SLC6A13: variants seen among roughly 807,000 people sequenced by gnomAD.
The protein encoded by SLC6A13 is solute carrier family 6 member 13, also known as sodium- and chloride-dependent GABA transporter 2.
In SLC6A13, 69 loss-of-function variants were observed where a neutral mutation model predicts 72.9. The ratio of observed to expected loss-of-function variants is 0.95; its 90% CI spans 0.78 to 1.16. The LOEUF is 1.16. Among genes scored for constraint, SLC6A13 ranks in the 50% most tolerant of loss-of-function variants. The pLI, the probability that SLC6A13 is intolerant of heterozygous loss-of-function variation, is 0.00. For missense variants in SLC6A13, 735 were observed against 760.5 expected (o/e 0.97, Z 0.39); for synonymous variants, 303 against 303.0 (o/e 1.00, Z 0.00).
chr12:251,247 AAC>A (rs1347115474), intron 2 of SLC6A13, among the ~76,000 whole-genome samples: 1 of 152,202 alleles, frequency 6.6e-6, no homozygotes, highest in Non-Finnish European at 1.5e-5. Flanking sequence ...CACAGTAATG[AAC>A]ACAGTGTGGT....
At chr12:231,359 T>C (rs1350576420) in intron 7 of SLC6A13, among the ~76,000 whole-genome samples, 1 of 152,210 alleles carries the variant, frequency 6.6e-6, no homozygotes. Flanking sequence ...GATGCGTCTT[T>C]GGTCTGTGTC....
intron 1 of SLC6A13, among the ~76,000 whole-genome samples, chr12:261,861 G>T (rs978183027): frequency 3.3e-5 from 5 of 151,962 alleles, no homozygotes; most frequent in African/African-American, 1.2e-4. Context: ...AGGAGGCAGA[G>T]GTTGCAGTGA....
intron 7 of SLC6A13, 31 bp downstream of exon 7, chr12:235,059 C>T (rs748678670): frequency 6.2e-7 from 1 of 1,613,616 alleles, no homozygotes; most frequent in Non-Finnish European, 8.5e-7. Flanking sequence ...CCCTGGGAGT[C>T]ACGTGAGGGC....
intron 2 of SLC6A13, among the ~76,000 whole-genome samples, chr12:248,815 C>G (rs1037018763): frequency 2.0e-5 from 3 of 152,152 alleles, no homozygotes; most frequent in Non-Finnish European, 4.4e-5. Context: ...TTCTACCCAA[C>G]AGTCCAACAG....
intron 2 of SLC6A13, 45 bp from the exon 3 acceptor site, chr12:243,858 T>C: frequency 6.3e-7 from 1 of 1,597,020 alleles, no homozygotes. Context: ...ACTATTCTCC[T>C]CATGGTCTGC....
In SLC6A13 at chr12:221,498, T is replaced by G. The variant is rs1247681387; in HGVS notation, c.1564A>C (p.Lys522Gln). 6.2e-7 allele frequency: 1 copy of G among 1,613,066 alleles called. No individual in the cohort carries two copies. Among genetic ancestry groups the G allele is most frequent in the Non-Finnish European group, 8.5e-7 (1 of 1,179,556 alleles). Reference protein sequence around the residue: ...LIKYTPLTYNKKYTYPWWGDA... With the variant: ...LIKYTPLTYNQKYTYPWWGDA... ...CCCCACCACGGGTACGTGTACTTCT[T>G]GTTGTAGGTCAGCGGAGTGTACTTT... The change falls in exon 14 of 15, where the codon AAG (lysine) becomes CAG (glutamine). Residue 522 changes from lysine to glutamine, a missense_variant. Coordinates refer to ENST00000343164, the MANE Select transcript of SLC6A13 (RefSeq NM_016615.5).
At chr12:240,757 G>T (rs1452041561) in intron 4 of SLC6A13, among the ~76,000 whole-genome samples, 1 of 152,220 alleles carries the variant, frequency 6.6e-6, no homozygotes, top group Non-Finnish European at 1.5e-5. Context: ...GCCATCCTGG[G>T]GTGTCGGAGG....
At chr12:259,707 G>C in intron 2 of SLC6A13, 144 bp downstream of exon 2, 2 of 1,560,396 alleles carry the variant, frequency 1.3e-6, no homozygotes, top group Admixed American at 3.8e-5. Flanking sequence ...GTCTCTTACA[G>C]AGTGTCCTTA....
At chr12:222,452 C>T in intron 13 of SLC6A13, 80 bp downstream of exon 13, 1 of 774,666 alleles carries the variant, frequency 1.3e-6, no homozygotes. Flanking sequence ...AAGTCCATTG[C>T]AGGGCTAACG....
intron 6 of SLC6A13, among the ~76,000 whole-genome samples, chr12:236,297 C>T (rs1240716323): frequency 6.6e-6 from 1 of 152,216 alleles, no homozygotes; most frequent in Admixed American, 6.5e-5. Flanking sequence ...ACTTGCTGGT[C>T]TGAGACTCAG....
rs773168748 is a variant in SLC6A13, at chr12:237,153, C to T, written c.696+5G>A. ...ATGGGAGGGGCAGGAGCTCCCCACA[C>T]GAACCTTGCCTGTGGACTTCACCCC... On this transcript the variant is annotated splice_donor_5th_base_variant and intron_variant, in intron 6 of 14. Transcript: ENST00000343164. 3.2e-5 allele frequency: 51 copies of T among 1,613,686 alleles called. No homozygotes were observed. The highest frequency in any genetic ancestry group is 2.2e-4 in the East Asian group (10 of 44,876).
chr12:238,293 C>T, intron 4 of SLC6A13: 1 of 1,420,446 alleles, frequency 7.0e-7, no homozygotes. Context: ...AGGTCAGCTG[C>T]TTCAAGGCAT....
intron 8 of SLC6A13, 119 bp from the exon 9 acceptor site, chr12:226,633 G>C (rs1016501311): frequency 7.8e-7 from 1 of 1,288,930 alleles, no homozygotes; most frequent in East Asian, 2.6e-5. Context: ...GCCCCTTCAC[G>C]GACGCCGGAG....
rs773873447 is a variant in SLC6A13 at position 239,788 on chromosome 12, C to G, written c.479-1778G>C. Among the ~76,000 whole-genome samples the G allele has an allele frequency of 2.7e-4, 41 of 152,278 alleles. No individual in the cohort carries two copies. The Middle Eastern group carries it at 0.014, about 51-fold the overall frequency. Reference sequence around the variant, plus strand: ...GGTGACTGAAGGCCAGCTAGGTGCTCTCTCCACTAAACCATTCACTTTCCT... The same window carrying G: ...GGTGACTGAAGGCCAGCTAGGTGCTGTCTCCACTAAACCATTCACTTTCCT... On this transcript the variant is annotated intron_variant, in intron 4 of 14. Coordinates refer to ENST00000343164, the MANE Select transcript of SLC6A13 (RefSeq NM_016615.5).
chr12:241,992 G>A (rs1448356866), intron 4 of SLC6A13, among the ~76,000 whole-genome samples: 2 of 152,222 alleles, frequency 1.3e-5, no homozygotes, highest in Non-Finnish European at 2.9e-5. Context: ...AGTGCCTACA[G>A]TGTTCGGCAC....
chr12:241,795 T>C (rs992744720), intron 4 of SLC6A13, among the ~76,000 whole-genome samples: 3 of 152,246 alleles, frequency 2.0e-5, no homozygotes, highest in Non-Finnish European at 4.4e-5. Flanking sequence ...TCTATTGCCA[T>C]GGGTGGCTCA....
chr12:257,447 G>A (rs1330777220), intron 2 of SLC6A13: 1 of 152,446 alleles, frequency 6.6e-6, no homozygotes, highest in Non-Finnish European at 1.5e-5. Context: ...CTTGATAAGG[G>A]AAGAAGTTAC....
At chr12:235,296 AGGCAGG>A (rs1941886033) in intron 6 of SLC6A13, 72 bp from the exon 7 acceptor site, 1 of 1,516,836 alleles carries the variant, frequency 6.6e-7, no homozygotes, top group Non-Finnish European at 9.1e-7. Flanking sequence ...CAGGGGCAGG[AGGCAGG>A]GGCAAGAGCT....
Position 224,059 on chromosome 12 carries a change from C to T in SLC6A13, c.1244G>A (p.Arg415Gln), listed in dbSNP as rs145646067. ...MYPHVFRKKN[R>Q]REVLILGVSV... ...TACTCCAAGGATGAGGACTTCCCTCCGGTTCTTCTTGCGGAACACGTGAGG... is the reference window on the plus strand; with the variant it reads ...TACTCCAAGGATGAGGACTTCCCTCTGGTTCTTCTTGCGGAACACGTGAGG... Residue 415 changes from arginine to glutamine, a missense_variant, in exon 11 of 15, where the codon CGG (arginine) becomes CAG (glutamine). Arg to Gln is a conservative substitution (Grantham distance 43, BLOSUM62 1). Coordinates refer to ENST00000343164, the MANE Select transcript of SLC6A13 (RefSeq NM_016615.5). 1.1e-3 allele frequency: 1,763 copies of T among 1,614,108 alleles called. 20 individuals carry two copies. In the African/African-American group the frequency reaches 0.019, roughly 18 times the overall value.
Sources: allele counts gnomAD v4.1 joint callset (sites outside exome capture counted in the v4.1 genomes callset), GRCh38; gene constraint gnomAD v4.1.1; transcripts MANE v1.5; gene names NCBI Gene and HGNC (gene_info 2026-07-23, HGNC 2026-07-21).